Variants in ZNRF1 observed in about 807,000 individuals in gnomAD.
ZNRF1 encodes the protein zinc and ring finger 1, also known as E3 ubiquitin-protein ligase ZNRF1.
A neutral mutation model predicts 18.4 loss-of-function variants in ZNRF1; 3 were observed. The observed-to-expected ratio is 0.16, with a 90% CI of 0.07 to 0.42. The LOEUF is 0.42. Among genes scored for constraint, ZNRF1 ranks in the 10% least tolerant of loss-of-function variants. The pLI is 0.99. For synonymous variants in ZNRF1, 157 were observed against 144.2 expected (o/e 1.09, Z -0.64); for missense variants, 310 against 329.8 (o/e 0.94, Z 0.47).
chr16:75,108,273 G>A lies in ZNRF1; in HGVS notation c.*573G>A. ...TGGTTTTTTGCTCTTTTCTCCCCTTGAGACCCTAATATCTTGACTTCATTG... is the reference window on the plus strand; with the variant it reads ...TGGTTTTTTGCTCTTTTCTCCCCTTAAGACCCTAATATCTTGACTTCATTG... On this transcript the variant is annotated 3_prime_UTR_variant, in exon 5 of 5. Coordinates refer to ENST00000335325, the MANE Select transcript of ZNRF1 (RefSeq NM_032268.5). 3.6e-6 allele frequency: 1 copy of A among 277,058 alleles called. No homozygotes were observed. Among genetic ancestry groups the A allele is most frequent in the Admixed American group, 4.8e-5 (1 of 20,720 alleles). 17.2% of individuals were successfully genotyped at this position (277,058 alleles called of 1,614,324 possible). A position where few individuals can be genotyped will look rare whatever the true frequency, so the allele number is the denominator to read the frequency against.
At chr16:75,006,426 AGTTT>A (rs554500060) in intron 1 of ZNRF1, among the ~76,000 whole-genome samples, 21 of 151,466 alleles carry the variant, frequency 1.4e-4, no homozygotes, top group South Asian at 2.1e-4. Flanking sequence ...AACCTCAGTC[AGTTT>A]GTTTGTTTGT....
At chr16:75,022,186 C>T (rs1341984093) in intron 1 of ZNRF1, among the ~76,000 whole-genome samples, 8 of 152,004 alleles carry the variant, frequency 5.3e-5, no homozygotes, top group African/African-American at 1.9e-4. Context: ...ACCCAGGAGG[C>T]GGAGGTTGCA....
At chr16:75,026,324 T>C (rs1465930403) in intron 1 of ZNRF1, among the ~76,000 whole-genome samples, 1 of 152,154 alleles carries the variant, frequency 6.6e-6, no homozygotes, top group Non-Finnish European at 1.5e-5. Flanking sequence ...GTAAAAGTAC[T>C]GGCATAGAAC....
At chr16:75,005,229 T>G (rs1200981160) in intron 1 of ZNRF1, among the ~76,000 whole-genome samples, 1 of 152,224 alleles carries the variant, frequency 6.6e-6, no homozygotes, top group East Asian at 1.9e-4. Context: ...TTTTTAGCTC[T>G]TTATTACCAT....
At position 75,110,083 on chromosome 16, in the gene ZNRF1, GTAGCCCACGCCGGGTGCTAT is replaced by G; in HGVS notation, c.*2385_*2404del. On this transcript the variant is annotated 3_prime_UTR_variant, in exon 5 of 5. Transcript: ENST00000335325. Reference sequence around the variant, plus strand: ...GCTGTGAGGTGGGTGGGGCAGGGCTGTAGCCCACGCCGGGTGCTATTCCAGGCTCTAGGGGCTGGTGCTCA... The same window carrying G: ...GCTGTGAGGTGGGTGGGGCAGGGCTGTCCAGGCTCTAGGGGCTGGTGCTCA... 6.6e-6 allele frequency: 1 copy of G among 152,334 alleles called. No individual in the cohort carries two copies. Among genetic ancestry groups the G allele is most frequent in the Non-Finnish European group, 1.5e-5 (1 of 68,108 alleles). The allele number at this position is 152,334 out of a possible 1,614,324, so 9.4% of individuals were successfully genotyped here.
chr16:75,013,395 G>A (rs1327998348), intron 1 of ZNRF1, among the ~76,000 whole-genome samples: 1 of 150,944 alleles, frequency 6.6e-6, no homozygotes, highest in Non-Finnish European at 1.5e-5. Flanking sequence ...TCGCCAGGCT[G>A]GAGTGCAGTG....
chr16:75,005,667 T>C (rs1252044885), intron 1 of ZNRF1, among the ~76,000 whole-genome samples: 1 of 152,246 alleles, frequency 6.6e-6, no homozygotes, highest in Non-Finnish European at 1.5e-5. Context: ...TGTCTTTTCC[T>C]GTATATACAT....
At position 75,000,047 on chromosome 16, in the gene ZNRF1, G is replaced by T; in HGVS notation, c.376G>T (p.Asp126Tyr). The T allele has an allele frequency of 6.2e-7, 1 of 1,600,478 alleles. No homozygotes were observed. Among genetic ancestry groups the T allele is most frequent in the Non-Finnish European group, 8.5e-7 (1 of 1,174,798 alleles). ...LYLGSRASLA[D>Y]ALPLHIAPRW... ...CCTGGGCTCCCGAGCCTCGCTGGCG[G>T]ATGCTCTACCTCTGCACATCGCACC... The change falls in exon 1 of 5, where the codon GAT becomes TAT. Residue 126 changes from aspartate (D) to tyrosine (Y), a missense_variant. This residue lies in a region of ZNRF1 where 293 missense variants were observed against 291.2 expected (regional missense o/e 1.01). Coordinates refer to ENST00000335325, the MANE Select transcript of ZNRF1 (RefSeq NM_032268.5).
At chr16:75,074,296 G>A (rs1486164927) in intron 1 of ZNRF1, among the ~76,000 whole-genome samples, 1 of 152,088 alleles carries the variant, frequency 6.6e-6, no homozygotes, top group Non-Finnish European at 1.5e-5. Flanking sequence ...CCTAAGCTGG[G>A]GTCATGCCAC....
chr16:75,104,519 G>T (rs542132556), intron 2 of ZNRF1: 2 of 297,608 alleles, frequency 6.7e-6, no homozygotes, highest in Non-Finnish European at 1.3e-5. Context: ...AGCCTTTTTC[G>T]TCCGCTGTCA....
intron 3 of ZNRF1, chr16:75,105,336 G>A (rs1031598873): frequency 5.0e-5 from 8 of 158,854 alleles, no homozygotes; most frequent in African/African-American, 1.7e-4. Context: ...CTAGAGGGCC[G>A]GGAGGCAGGA....
At chr16:75,021,933 A>C (rs2035155050) in intron 1 of ZNRF1, among the ~76,000 whole-genome samples, 1 of 152,138 alleles carries the variant, frequency 6.6e-6, no homozygotes, top group African/African-American at 2.4e-5. Context: ...CCTCCTTTTG[A>C]AAATCCTAGA....
At chr16:75,023,904 T>C (rs1391586434) in intron 1 of ZNRF1, among the ~76,000 whole-genome samples, 2 of 151,108 alleles carry the variant, frequency 1.3e-5, no homozygotes, top group African/African-American at 4.9e-5. Context: ...AGAGTCTTAC[T>C]CTGTCACCCA....
chr16:75,078,296 CTTTTTTTTTTTTT>C (rs36075131), intron 1 of ZNRF1, among the ~76,000 whole-genome samples: 2 of 113,128 alleles, frequency 1.8e-5, no homozygotes, highest in South Asian at 5.6e-4. Context: ...TCTTTCTTTC[CTTTTTTTTTTTTT>C]TTTTTTTTTG....
intron 2 of ZNRF1, among the ~76,000 whole-genome samples, chr16:75,098,184 C>T (rs1231392267): frequency 2.0e-5 from 3 of 152,174 alleles, no homozygotes; most frequent in Non-Finnish European, 2.9e-5. Flanking sequence ...TGTTGCTGAC[C>T]GGCTGCACTG....
chr16:75,073,497 T>C (rs915831469), intron 1 of ZNRF1, among the ~76,000 whole-genome samples: 2 of 152,152 alleles, frequency 1.3e-5, no homozygotes, highest in African/African-American at 4.8e-5. Flanking sequence ...CATGTCAATA[T>C]GTTTGGTGTA....
rs1014703898 is a variant in ZNRF1, at chr16:75,013,384, G to A, written c.424+13289G>A. Among the ~76,000 whole-genome samples, 8 of 148,838 alleles carry A rather than the reference G, an allele frequency of 5.4e-5. 1 individual carries two copies. Among genetic ancestry groups the A allele is most frequent in the Non-Finnish European group, 1.2e-4 (8 of 67,680 alleles). On this transcript the variant is annotated intron_variant, in intron 1 of 4. Coordinates refer to ENST00000335325, the MANE Select transcript of ZNRF1 (RefSeq NM_032268.5). ...TTTTTCCGAGATGGAGTCTCACTCTGTCGCCAGGCTGGAGTGCAGTGGCGT... is the reference window on the plus strand; with the variant it reads ...TTTTTCCGAGATGGAGTCTCACTCTATCGCCAGGCTGGAGTGCAGTGGCGT...
chr16:75,106,156 C>T lies in ZNRF1; in HGVS notation c.627-326C>T, dbSNP rs2036313713. On this transcript the variant is annotated intron_variant, in intron 3 of 4. Transcript: ENST00000335325. Reference sequence around the variant, plus strand: ...TGCCCTGAGGGGTCCACCGCTCTCACCTTCTCACTGGTGGCTGCTGCCATT... The same window carrying T: ...TGCCCTGAGGGGTCCACCGCTCTCATCTTCTCACTGGTGGCTGCTGCCATT... 3 of 302,896 alleles carry T rather than the reference C, an allele frequency of 9.9e-6. No homozygotes were observed. The South Asian group carries it at 1.3e-4, about 13-fold the overall frequency. 18.8% of individuals were successfully genotyped at this position (302,896 alleles called of 1,614,324 possible).
At chr16:75,066,909 TA>T (rs1218308805) in intron 1 of ZNRF1, among the ~76,000 whole-genome samples, 1 of 152,088 alleles carries the variant, frequency 6.6e-6, no homozygotes, top group Non-Finnish European at 1.5e-5. Flanking sequence ...CTTAATAGCT[TA>T]AAACAGTAAT....
Sources: allele counts gnomAD v4.1 joint callset (sites outside exome capture counted in the v4.1 genomes callset), GRCh38; gene constraint gnomAD v4.1.1; regional missense constraint gnomAD v4.1.1; transcripts MANE v1.5; gene names NCBI Gene and HGNC (gene_info 2026-07-23, HGNC 2026-07-21).